WFDC2: variants seen among roughly 807,000 people sequenced by gnomAD.
WFDC2 encodes the protein WAP four-disulfide core domain protein 2.
A neutral mutation model predicts 12.5 loss-of-function variants in WFDC2; 8 were observed. The observed-to-expected ratio is 0.64, with a 90% CI of 0.37 to 1.15. The LOEUF (loss-of-function observed/expected upper bound fraction) is 1.15, where lower values mean the gene tolerates loss of function less well. WFDC2 is among the 50% of genes most tolerant of loss of function. WFDC2 has a pLI of 0.01. For synonymous variants in WFDC2, 74 were observed against 67.2 expected (o/e 1.10, Z -0.49); for missense variants, 166 against 159.9 (o/e 1.04, Z -0.21).
At chr20:45,474,743 A>C (rs1205852591) in intron 2 of WFDC2, among the ~76,000 whole-genome samples, 1 of 152,208 alleles carries the variant, frequency 6.6e-6, no homozygotes, top group Non-Finnish European at 1.5e-5. Context: ...TAGTTTCAGA[A>C]GGAATGGTAC....
In WFDC2 at chr20:45,479,903, C is replaced by T. The variant is rs767689894; in HGVS notation, c.224-39C>T. 2.2e-5 allele frequency: 36 copies of T among 1,613,960 alleles called. No individual in the cohort carries two copies. The East Asian group carries it at 3.8e-4, about 17-fold the overall frequency. On this transcript the variant is annotated intron_variant, in intron 2 of 3. Coordinates refer to ENST00000372676, the MANE Select transcript of WFDC2 (RefSeq NM_006103.4). ...CAGGTACAAGTTAATCTCCCTGTAT[C>T]GCCTCTGCCCACTTACCCTTACTCC...
intron 2 of WFDC2, among the ~76,000 whole-genome samples, chr20:45,477,982 A>T (rs1991254561): frequency 6.6e-6 from 1 of 152,160 alleles, no homozygotes; most frequent in African/African-American, 2.4e-5. Flanking sequence ...TGCCTACTCA[A>T]GCCTCAGTAA....
chr20:45,472,999 A>G (rs1396568126), intron 2 of WFDC2, among the ~76,000 whole-genome samples: 1 of 152,190 alleles, frequency 6.6e-6, no homozygotes, highest in Admixed American at 6.5e-5. Context: ...TTTGAGAAGC[A>G]TCTGTTCATA....
chr20:45,477,826 G>T (rs890742543), intron 2 of WFDC2, among the ~76,000 whole-genome samples: 2 of 152,244 alleles, frequency 1.3e-5, no homozygotes, highest in Non-Finnish European at 2.9e-5. Context: ...CCCCTGACTA[G>T]GGCTGCTGCC....
intron 3 of WFDC2, among the ~76,000 whole-genome samples, chr20:45,480,828 T>C (rs1008659730): frequency 1.3e-5 from 2 of 152,198 alleles, no homozygotes; most frequent in African/African-American, 4.8e-5. Flanking sequence ...AACTAAGCTA[T>C]GGTCTCCCTG....
intron 2 of WFDC2, among the ~76,000 whole-genome samples, chr20:45,478,239 C>T (rs1447206719): frequency 1.3e-5 from 2 of 152,206 alleles, no homozygotes; most frequent in African/African-American, 4.8e-5. Context: ...AGCTCAGTGT[C>T]TGCCCAAATG....
chr20:45,478,631 CT>C (rs147552251), intron 2 of WFDC2, among the ~76,000 whole-genome samples: 132 of 145,932 alleles, frequency 9.0e-4, no homozygotes, highest in Admixed American at 8.9e-4. Context: ...GAACCTAAAT[CT>C]TTTTTTTTTT....
intron 2 of WFDC2, among the ~76,000 whole-genome samples, chr20:45,472,956 T>G (rs1206369308): frequency 6.6e-6 from 1 of 152,242 alleles, no homozygotes; most frequent in Non-Finnish European, 1.5e-5. Flanking sequence ...TGATGAGCAT[T>G]TTTCATGTTT....
At position 45,470,922 on chromosome 20, in the gene WFDC2, C is replaced by T. The variant is rs1448662594; in HGVS notation, c.223+390C>T. On this transcript the variant is annotated intron_variant, in intron 2 of 3. Coordinates refer to ENST00000372676, the MANE Select transcript of WFDC2 (RefSeq NM_006103.4). This position sits in a 1 kb window ranked among gnomAD's most constrained non-coding sequence, Gnocchi z 5.4. The stretch of plus-strand genomic sequence containing the variant: ...CTCACCTCTCCTCTTGGAGTCCCTC[C>T]CTGGGGGCCTCCCCCAGCCCTGGGG... Among the ~76,000 whole-genome samples the T allele has an allele frequency of 6.6e-6, 1 of 152,180 alleles. No homozygotes were observed. The highest frequency in any genetic ancestry group is 2.4e-5 in the African/African-American group (1 of 41,460).
intron 2 of WFDC2, chr20:45,479,509 T>C: frequency 1.5e-6 from 1 of 658,358 alleles, no homozygotes; most frequent in South Asian, 1.9e-5. Flanking sequence ...GCTTGATACC[T>C]GGCATGTAAT....
chr20:45,472,524 G>A (rs1006723665), intron 2 of WFDC2, among the ~76,000 whole-genome samples: 19 of 152,002 alleles, frequency 1.2e-4, no homozygotes, highest in African/African-American at 4.6e-4. Context: ...ATCACTGATG[G>A]GCATTTGGGT....
chr20:45,479,869 G>GC (rs1991279158), intron 2 of WFDC2, 73 bp from the exon 3 acceptor site: 2 of 1,614,048 alleles, frequency 1.2e-6, no homozygotes, highest in Non-Finnish European at 1.7e-6. Context: ...CAGTGGGGGG[G>GC]CCATGCTGCA....
At position 45,470,085 on chromosome 20, in the gene WFDC2, G is replaced by A. The variant is rs1304029278; in HGVS notation, c.79+225G>A. On this transcript the variant is annotated intron_variant, in intron 1 of 3. Coordinates refer to ENST00000372676, the MANE Select transcript of WFDC2 (RefSeq NM_006103.4). This position sits in a 1 kb window ranked among gnomAD's most constrained non-coding sequence, Gnocchi z 5.4. ...ATTCTGTGCTGAACGCGGACACTCCGTGGCTGCAGTGGGCTGGGGGTGGGG... is the reference window on the plus strand; with the variant it reads ...ATTCTGTGCTGAACGCGGACACTCCATGGCTGCAGTGGGCTGGGGGTGGGG... Among the ~76,000 whole-genome samples the A allele has an allele frequency of 6.6e-6, 1 of 152,190 alleles. No homozygotes were observed. Among genetic ancestry groups the A allele is most frequent in the African/African-American group, 2.4e-5 (1 of 41,440 alleles).
Position 45,470,573 on chromosome 20 carries a change from G to T in WFDC2, c.223+41G>T. 6.5e-7 allele frequency: 1 copy of T among 1,538,680 alleles called. No individual in the cohort carries two copies. Among genetic ancestry groups the T allele is most frequent in the Middle Eastern group, 1.8e-4 (1 of 5,408 alleles). On this transcript the variant is annotated intron_variant, in intron 2 of 3. Coordinates refer to ENST00000372676, the MANE Select transcript of WFDC2 (RefSeq NM_006103.4). This position sits in a 1 kb window ranked among gnomAD's most constrained non-coding sequence, Gnocchi z 5.4. ...CCGAGCGGGAACGGGGCGGGGCCGC[G>T]CTGGGCTGGGAGGAGGTGGGAGGGC...
intron 2 of WFDC2, among the ~76,000 whole-genome samples, chr20:45,477,579 G>T (rs1427675401): frequency 6.6e-6 from 1 of 152,252 alleles, no homozygotes; most frequent in African/African-American, 2.4e-5. Context: ...CCAGATGCCA[G>T]CCAGAGCTCT....
At chr20:45,474,880 T>A (rs1222444469) in intron 2 of WFDC2, among the ~76,000 whole-genome samples, 1 of 152,232 alleles carries the variant, frequency 6.6e-6, no homozygotes, top group Non-Finnish European at 1.5e-5. Context: ...GATTCAGGGA[T>A]TCGACTTCTT....
chr20:45,480,089 TC>T lies in WFDC2; in HGVS notation c.372del (p.Ter125GlufsTer8). ...CGKVSCVTPN[F>X] The stretch of plus-strand genomic sequence containing the variant: ...AAGGTGTCCTGTGTCACTCCCAATT[TC>T]TGAGGTAAGTGAACGGGAAAGAGAA... On this transcript the variant is annotated frameshift_variant, in exon 3 of 4. Transcript: ENST00000372676. LOFTEE classifies it low-confidence loss of function (END_TRUNC). 1 of 1,613,736 alleles carries T rather than the reference TC, an allele frequency of 6.2e-7. No homozygotes were observed. Among genetic ancestry groups the T allele is most frequent in the Non-Finnish European group, 8.5e-7 (1 of 1,179,684 alleles).
intron 2 of WFDC2, chr20:45,479,426 A>G (rs1991272665): frequency 1.9e-6 from 1 of 538,672 alleles, no homozygotes; most frequent in African/African-American, 1.9e-5. Context: ...TTGTAACACA[A>G]GGAAATATTA....
In WFDC2 at chr20:45,470,377, C is replaced by A; in HGVS notation, c.80-12C>A. 6.3e-7 allele frequency: 1 copy of A among 1,575,600 alleles called. No individual in the cohort carries two copies. On this transcript the variant is annotated splice_polypyrimidine_tract_variant and intron_variant, in intron 1 of 3. Coordinates refer to ENST00000372676, the MANE Select transcript of WFDC2 (RefSeq NM_006103.4). This position sits in a 1 kb window ranked among gnomAD's most constrained non-coding sequence, Gnocchi z 5.4. ...CGCCCCACCCTCGACTGTCCCGGGC[C>A]TCCCCTCCCAGGCACAGGAGCAGAG...
Sources: allele counts gnomAD v4.1 joint callset (sites outside exome capture counted in the v4.1 genomes callset), GRCh38; gene constraint gnomAD v4.1.1; non-coding constraint Gnocchi (gnomAD v3.1); transcripts MANE v1.5; gene names NCBI Gene and HGNC (gene_info 2026-07-23, HGNC 2026-07-21).